The following NBAS variants were observed in gnomAD, a reference collection of about 807,000 sequenced individuals.
NBAS encodes the protein NBAS subunit of NRZ tethering complex.
A neutral mutation model predicts 302.5 loss-of-function variants in NBAS; 219 were observed. That is an observed-to-expected ratio of 0.72 (90% CI 0.65 to 0.81). NBAS has a LOEUF of 0.81. NBAS is among the 30% of genes least tolerant of loss of function. NBAS has a pLI of 0.00. For synonymous variants in NBAS, 1,118 were observed against 1,021.6 expected (o/e 1.09, Z -1.80); for missense variants, 2,932 against 2,841.6 (o/e 1.03, Z -0.72).
At chr2:15,199,135 A>G (rs978554099) in intron 48 of NBAS, among the ~76,000 whole-genome samples, 1 of 151,708 alleles carries the variant, frequency 6.6e-6, no homozygotes, top group African/African-American at 2.4e-5. Context: ...TCAAAAAAAA[A>G]AAAAAAAAAA....
chr2:14,877,656 G>A, the NBAS span, among the ~76,000 whole-genome samples: 134 of 151,916 alleles, frequency 8.8e-4, no homozygotes, highest in Non-Finnish European at 1.8e-3. Flanking sequence ...TAATGCATTC[G>A]CTCAAATATC....
At chr2:15,396,551 G>C in intron 26 of NBAS, 76 bp from the exon 27 acceptor site, 2 of 997,484 alleles carry the variant, frequency 2.0e-6, no homozygotes, top group Admixed American at 5.5e-5. Context: ...AAAACTTAAT[G>C]AAGTGAAAAA....
the NBAS span, among the ~76,000 whole-genome samples, chr2:14,913,465 A>G: frequency 6.6e-6 from 1 of 152,228 alleles, no homozygotes; most frequent in African/African-American, 2.4e-5. Flanking sequence ...GAGAGAAAGC[A>G]TGGGTAAAAC....
chr2:15,247,495 G>A (rs1403052238), intron 44 of NBAS, among the ~76,000 whole-genome samples: 1 of 151,778 alleles, frequency 6.6e-6, no homozygotes, highest in Non-Finnish European at 1.5e-5. Flanking sequence ...AGACCATTCA[G>A]GCTCAAAATA....
the NBAS span, among the ~76,000 whole-genome samples, chr2:14,872,691 C>T: frequency 1.3e-5 from 2 of 152,052 alleles, no homozygotes; most frequent in Non-Finnish European, 2.9e-5. Context: ...CGGGTGAGTT[C>T]GTGGTCTCAC....
chr2:15,356,224 T>A, intron 33 of NBAS, 79 bp downstream of exon 33: 1 of 1,238,364 alleles, frequency 8.1e-7, no homozygotes, highest in Non-Finnish European at 1.2e-6. Context: ...TCAGGTCAAT[T>A]GATTTCAGAA....
At chr2:15,273,561 T>G (rs567936803) in intron 44 of NBAS, among the ~76,000 whole-genome samples, 1 of 152,318 alleles carries the variant, frequency 6.6e-6, no homozygotes, top group Admixed American at 6.5e-5. Context: ...CCAACTTAAC[T>G]TTGCTAAGCC....
intron 24 of NBAS, among the ~76,000 whole-genome samples, chr2:15,417,008 A>G (rs1676972058): frequency 6.6e-6 from 1 of 152,136 alleles, no homozygotes; most frequent in African/African-American, 2.4e-5. Context: ...CCACAGCACC[A>G]TCCTTCTTGC....
At chr2:15,057,698 T>C in the NBAS span, among the ~76,000 whole-genome samples, 4 of 152,240 alleles carry the variant, frequency 2.6e-5, no homozygotes, top group African/African-American at 9.6e-5. Flanking sequence ...ATTCCTGAGT[T>C]ACTTCACTTA....
the NBAS span, among the ~76,000 whole-genome samples, chr2:15,034,073 A>G: frequency 2.4e-3 from 100 of 41,350 alleles, 1 homozygote; most frequent in African/African-American, 0.01. Flanking sequence ...GGGGAAGGAG[A>G]GGAAGAAGAA....
At chr2:15,478,396 A>C (rs1235427491) in intron 12 of NBAS, 107 bp from the exon 13 acceptor site, 2 of 803,294 alleles carry the variant, frequency 2.5e-6, no homozygotes, top group Non-Finnish European at 4.2e-6. Flanking sequence ...CTTTCCCTTG[A>C]TCTCTCAATT....
chr2:15,071,340 A>G, the NBAS span, among the ~76,000 whole-genome samples: 1 of 152,088 alleles, frequency 6.6e-6, no homozygotes, highest in African/African-American at 2.4e-5. Context: ...CCCCACCACA[A>G]AGGGGCCGGG....
intron 25 of NBAS, among the ~76,000 whole-genome samples, chr2:15,407,928 C>A (rs114437625): frequency 6.6e-6 from 1 of 152,144 alleles, no homozygotes; most frequent in African/African-American, 2.4e-5. Flanking sequence ...CCTTTTCCAG[C>A]TTCTAGAGGG....
intron 48 of NBAS, among the ~76,000 whole-genome samples, chr2:15,202,524 A>G (rs13030762): frequency 0.11 from 3,260 of 28,362 alleles, 44 homozygotes; most frequent in African/African-American, 0.27. Flanking sequence ...TTGTTTGTTT[A>G]TTTATTTATT....
intron 47 of NBAS, among the ~76,000 whole-genome samples, chr2:15,222,498 C>T (rs915429825): frequency 6.6e-6 from 1 of 152,062 alleles, no homozygotes; most frequent in African/African-American, 2.4e-5. Context: ...TGGTGAATAA[C>T]AATGAAAACA....
chr2:15,082,215 C>T, the NBAS span, among the ~76,000 whole-genome samples: 6 of 152,282 alleles, frequency 3.9e-5, no homozygotes, highest in East Asian at 1.2e-3. Context: ...CATGACTCCA[C>T]GTTACACAGC....
At chr2:15,357,856 T>C (rs1232399512) in intron 32 of NBAS, among the ~76,000 whole-genome samples, 2 of 152,080 alleles carry the variant, frequency 1.3e-5, no homozygotes, top group Non-Finnish European at 2.9e-5. Context: ...GTCCGACTGA[T>C]CACAAAACCC....
intron 12 of NBAS, among the ~76,000 whole-genome samples, chr2:15,481,138 T>C (rs1680410488): frequency 6.6e-6 from 1 of 152,216 alleles, no homozygotes; most frequent in Non-Finnish European, 1.5e-5. Context: ...CCTTCCACCA[T>C]TGTAGCGCAT....
intron 44 of NBAS, among the ~76,000 whole-genome samples, chr2:15,241,696 C>T (rs1667872911): frequency 6.6e-6 from 1 of 152,198 alleles, no homozygotes; most frequent in Non-Finnish European, 1.5e-5. Flanking sequence ...CAGATGCTGA[C>T]ATTTAATTTG....
Sources: gnomAD v4.1 joint callset for allele counts (sites outside exome capture counted in the v4.1 genomes callset) on GRCh38, gnomAD v4.1.1 for gene constraint, MANE v1.5 for transcripts, NCBI Gene and HGNC (gene_info 2026-07-23, HGNC 2026-07-21) for gene names.